The following SIGLEC5 variants were observed in gnomAD, a reference collection of about 807,000 sequenced individuals.
SIGLEC5 encodes the protein sialic acid-binding Ig-like lectin 5.
In SIGLEC5, 34 loss-of-function variants were observed where a neutral mutation model predicts 45.9. That is an observed-to-expected ratio of 0.74 (90% CI 0.56 to 0.99). The LOEUF (loss-of-function observed/expected upper bound fraction) is 0.99, where lower values mean the gene tolerates loss of function less well. Ranked by LOEUF, SIGLEC5 falls within the 50% of genes least tolerant of loss-of-function variation. The pLI, the probability that SIGLEC5 is intolerant of heterozygous loss-of-function variation, is 0.00. For synonymous variants in SIGLEC5, 203 were observed against 258.6 expected (o/e 0.79, Z 2.06); for missense variants, 508 against 629.6 (o/e 0.81, Z 2.07).
intron 8 of SIGLEC5, among the ~76,000 whole-genome samples, chr19:51,616,641 G>T (rs1243553421): frequency 2.0e-5 from 3 of 152,070 alleles, no homozygotes; most frequent in South Asian, 2.1e-4. Context: ...GCCAGGCGTG[G>T]TGGCTCATGC....
chr19:51,628,726 G>A (rs1323991434), intron 4 of SIGLEC5, among the ~76,000 whole-genome samples: 1 of 150,584 alleles, frequency 6.6e-6, no homozygotes. Context: ...TGTGTGTGGT[G>A]TGTGTGCATG....
chr19:51,617,948 T>G (rs1983127499), intron 8 of SIGLEC5, among the ~76,000 whole-genome samples: 1 of 151,390 alleles, frequency 6.6e-6, no homozygotes, highest in Non-Finnish European at 1.5e-5. Context: ...ATTCTTTTTG[T>G]TAGATGTAAG....
chr19:51,614,602 A>G (rs142812494), intron 8 of SIGLEC5, among the ~76,000 whole-genome samples: 2 of 152,366 alleles, frequency 1.3e-5, no homozygotes, highest in East Asian at 3.9e-4. Flanking sequence ...AGAAATAAAG[A>G]CATATGTCTA....
chr19:51,626,381 A>G (rs1348959439), intron 7 of SIGLEC5, among the ~76,000 whole-genome samples: 3 of 152,188 alleles, frequency 2.0e-5, no homozygotes, highest in Admixed American at 1.3e-4. Context: ...AGTGTTATGC[A>G]TCATAGCCAA....
intron 7 of SIGLEC5, among the ~76,000 whole-genome samples, chr19:51,626,461 G>C (rs1175995197): frequency 6.6e-6 from 1 of 152,104 alleles, no homozygotes; most frequent in Admixed American, 6.6e-5. Flanking sequence ...TTTATATAAT[G>C]GAATATTATT....
chr19:51,629,257 C>T (rs928952145), intron 3 of SIGLEC5, 101 bp downstream of exon 3: 1 of 1,557,532 alleles, frequency 6.4e-7, no homozygotes, highest in Non-Finnish European at 8.7e-7. Flanking sequence ...TGTTTTGTTT[C>T]TCTCTGTCTT....
At chr19:51,628,847 A>G (rs968452233) in intron 4 of SIGLEC5, among the ~76,000 whole-genome samples, 191 bp downstream of exon 4, 25 of 146,768 alleles carry the variant, frequency 1.7e-4, no homozygotes, top group African/African-American at 5.4e-4. Context: ...GCGTGTGTGC[A>G]TGTGTGCGTG....
In SIGLEC5 at chr19:51,612,252, C is replaced by G; in HGVS notation, c.1635G>C (p.Ser545=). ...DQEAPSTTEY[S]EIKTSK ...ATCCTCACTTGCTTGTCTTGATCTC[C>G]GAGTACTCCGTGGTGCTTGGGGCCT... Residue 545 remains serine, a synonymous_variant, in exon 9 of 9, where the codon TCG becomes TCC. Transcript: ENST00000683636. 1.2e-6 allele frequency: 2 copies of G among 1,605,026 alleles called. No individual in the cohort carries two copies. The highest frequency in any genetic ancestry group is 1.7e-6 in the Non-Finnish European group (2 of 1,174,646).
chr19:51,619,046 A>T (rs530724228), intron 8 of SIGLEC5, among the ~76,000 whole-genome samples: 2 of 152,296 alleles, frequency 1.3e-5, no homozygotes, highest in South Asian at 4.1e-4. Flanking sequence ...ACATCTGAAG[A>T]TTTGGATTTG....
At chr19:51,620,578 T>C (rs1983249491) in intron 8 of SIGLEC5, among the ~76,000 whole-genome samples, 1 of 152,306 alleles carries the variant, frequency 6.6e-6, no homozygotes, top group East Asian at 1.9e-4. Context: ...TATTTAGTGA[T>C]AGAAAGGAAC....
At chr19:51,616,226 A>G (rs916891627) in intron 8 of SIGLEC5, among the ~76,000 whole-genome samples, 4 of 152,192 alleles carry the variant, frequency 2.6e-5, no homozygotes, top group African/African-American at 9.7e-5. Context: ...AAGCAAACCA[A>G]CAGAACCTGA....
chr19:51,611,457 G>C lies in SIGLEC5; in HGVS notation c.*774C>G, dbSNP rs1388818012. Among the ~76,000 whole-genome samples the C allele has an allele frequency of 1.3e-5, 2 of 152,214 alleles. No homozygotes were observed. The highest frequency in any genetic ancestry group is 2.1e-4 in the South Asian group (1 of 4,830). On this transcript the variant is annotated 3_prime_UTR_variant, in exon 9 of 9. Coordinates refer to ENST00000683636, the MANE Select transcript of SIGLEC5 (RefSeq NM_003830.4). ...GCATGAAAGGCTTAAGGAAGGGTTA[G>C]GCAAGAGGAAAGTATAAATGAATAG...
At chr19:51,620,947 A>G (rs1983262015) in intron 8 of SIGLEC5, among the ~76,000 whole-genome samples, 1 of 152,062 alleles carries the variant, frequency 6.6e-6, no homozygotes, top group Non-Finnish European at 1.5e-5. Context: ...AGCCTCCCAA[A>G]GTTCTGGGAT....
chr19:51,617,132 G>A (rs1983094756), intron 8 of SIGLEC5, among the ~76,000 whole-genome samples: 1 of 151,442 alleles, frequency 6.6e-6, no homozygotes, highest in Non-Finnish European at 1.5e-5. Context: ...GCGGGCGCCT[G>A]TAGTCCCAAC....
At chr19:51,612,643 C>T (rs1982901787) in intron 8 of SIGLEC5, among the ~76,000 whole-genome samples, 1 of 152,216 alleles carries the variant, frequency 6.6e-6, no homozygotes, top group South Asian at 2.1e-4. Flanking sequence ...ATACAACCAT[C>T]TCCTTGTGAC....
At chr19:51,617,686 A>G (rs1167774330) in intron 8 of SIGLEC5, among the ~76,000 whole-genome samples, 1 of 152,194 alleles carries the variant, frequency 6.6e-6, no homozygotes, top group East Asian at 1.9e-4. Context: ...CTGAAAACCC[A>G]CTGGGGGGAA....
At chr19:51,619,605 G>GGGA in intron 8 of SIGLEC5, among the ~76,000 whole-genome samples, 1 of 152,050 alleles carries the variant, frequency 6.6e-6, no homozygotes, top group Non-Finnish European at 1.5e-5. Context: ...AAATCACAAT[G>GGGA]TTGTTTTAAC....
chr19:51,614,232 G>C (rs1369666009), intron 8 of SIGLEC5, among the ~76,000 whole-genome samples: 1 of 152,134 alleles, frequency 6.6e-6, no homozygotes, highest in African/African-American at 2.4e-5. Flanking sequence ...GCAACCTCCC[G>C]TCCCTGGCTC....
At position 51,628,017 on chromosome 19, in the gene SIGLEC5, G is replaced by A; in HGVS notation, c.814C>T (p.Pro272Ser). 1 of 1,605,474 alleles carries A rather than the reference G, an allele frequency of 6.2e-7. No individual in the cohort carries two copies. The highest frequency in any genetic ancestry group is 8.5e-7 in the Non-Finnish European group (1 of 1,175,608). ...GQALRLLCDAPSNPPAHLSWF... is the reference protein window; with the variant it reads ...GQALRLLCDASSNPPAHLSWF... Reference sequence around the variant, plus strand: ...CTCAGGTGTGCAGGGGGGTTGCTGGGAGCATCACAGAGCAGCCGCAGAGCC... The same window carrying A: ...CTCAGGTGTGCAGGGGGGTTGCTGGAAGCATCACAGAGCAGCCGCAGAGCC... Residue 272 changes from proline (P) to serine (S), a missense_variant, in exon 5 of 9, where the codon CCC (proline) becomes TCC (serine). By Grantham distance (74) the Pro-to-Ser change is moderately conservative. Coordinates refer to ENST00000683636, the MANE Select transcript of SIGLEC5 (RefSeq NM_003830.4).
Sources: gnomAD v4.1 joint callset for allele counts (sites outside exome capture counted in the v4.1 genomes callset) on GRCh38, gnomAD v4.1.1 for gene constraint, MANE v1.5 for transcripts, NCBI Gene and HGNC (gene_info 2026-07-23, HGNC 2026-07-21) for gene names.